The following ALDH3B1 variants were observed in gnomAD, a reference collection of about 807,000 sequenced individuals.
The protein encoded by ALDH3B1 is aldehyde dehydrogenase 3 family member B1.
A neutral mutation model predicts 46.2 loss-of-function variants in ALDH3B1; 37 were observed. The ratio of observed to expected loss-of-function variants is 0.80; its 90% CI spans 0.62 to 1.05. ALDH3B1 has a LOEUF of 1.05. Among genes scored for constraint, ALDH3B1 ranks in the 50% least tolerant of loss-of-function variants. The pLI, the probability that ALDH3B1 is intolerant of heterozygous loss-of-function variation, is 0.00. For missense variants in ALDH3B1, 603 were observed against 665.5 expected (o/e 0.91, Z 1.03); for synonymous variants, 283 against 281.0 (o/e 1.01, Z -0.07).
At chr11:68,027,322 C>T (rs1388090009) in intron 9 of ALDH3B1, among the ~76,000 whole-genome samples, 4 of 152,192 alleles carry the variant, frequency 2.6e-5, no homozygotes, top group African/African-American at 7.2e-5. Flanking sequence ...CCAACCTAGA[C>T]GCTGAGGAGA....
At chr11:68,016,540 G>C (rs1857354458) in intron 2 of ALDH3B1, 1 of 152,760 alleles carries the variant, frequency 6.5e-6, no homozygotes, top group Non-Finnish European at 1.5e-5. Context: ...AGCCAAGGCA[G>C]AACCCCAAGA....
Position 68,027,428 on chromosome 11 carries a change from A to T in ALDH3B1, c.1217-321A>T, listed in dbSNP as rs536976584. ...AGGGAGGTACCCTTGTCACCCCACG[A>T]CAGAGGAGACTGAGGCACAGTCCAA... On this transcript the variant is annotated intron_variant, in intron 9 of 9. Coordinates refer to ENST00000342456, the MANE Select transcript of ALDH3B1 (RefSeq NM_000694.4). 2.0e-5 allele frequency among the ~76,000 whole-genome samples: 3 copies of T among 152,256 alleles called. No homozygotes were observed. In the East Asian group the frequency reaches 5.8e-4, roughly 29 times the overall value.
Position 68,019,804 on chromosome 11 carries a change from C to T in ALDH3B1, c.562+8C>T, listed in dbSNP as rs554049096. On this transcript the variant is annotated splice_region_variant and intron_variant, in intron 6 of 9. Transcript: ENST00000342456. ...ACTACATCTTCTTCACAGGTGAGGC[C>T]GGGACGAGGGTCGGGACAGGCTGGG... The T allele has an allele frequency of 1.7e-3, 2,731 of 1,613,706 alleles. 67 individuals are homozygous for T. The South Asian group carries it at 0.028, about 16-fold the overall frequency.
chr11:68,019,753 G>A lies in ALDH3B1; in HGVS notation c.519G>A (p.Thr173=), dbSNP rs369340202. The part of the protein sequence containing the change: ...FAVVLGGPQE[T]GQLLEHRFDY... ...TGGTGCTGGGCGGGCCCCAGGAGAC[G>A]GGGCAGCTGCTAGAGCACAGGTTCG... The change falls in exon 6 of 10, where the codon ACG becomes ACA. Residue 173 remains threonine, a synonymous_variant. Transcript: ENST00000342456. 197 of 1,614,138 alleles carry A rather than the reference G, an allele frequency of 1.2e-4. 2 individuals carry two copies. Among genetic ancestry groups the A allele is most frequent in the South Asian group, 4.2e-4 (38 of 91,074 alleles).
chr11:68,021,520 G>A lies in ALDH3B1; in HGVS notation c.598G>A (p.Ala200Thr). The change falls in exon 7 of 10, where the codon GCC (alanine) becomes ACC (threonine). Residue 200 changes from alanine to threonine, a missense_variant. By Grantham distance (58) the Ala-to-Thr change is moderately conservative (BLOSUM62 0). Transcript: ENST00000342456. ...PRVGKIVMTA[A>T]AKHLTPVTLE... ...TGTGGGCAAGATTGTTATGACTGCT[G>A]CCGCCAAGCACCTGACACCTGTCAC... 1 of 1,613,688 alleles carries A rather than the reference G, an allele frequency of 6.2e-7. No individual in the cohort carries two copies. Among genetic ancestry groups the A allele is most frequent in the Non-Finnish European group, 8.5e-7 (1 of 1,179,818 alleles).
chr11:68,025,562 C>G (rs1857601306), intron 8 of ALDH3B1, among the ~76,000 whole-genome samples: 1 of 152,182 alleles, frequency 6.6e-6, no homozygotes, highest in Non-Finnish European at 1.5e-5. Context: ...CCACACAGCT[C>G]TTCAGCCTCC....
rs1008399119 is a variant in ALDH3B1, at chr11:68,015,210, G to A, written c.-1-87G>A. 6.5e-6 allele frequency: 9 copies of A among 1,394,280 alleles called. No homozygotes were observed. In the Admixed American group the frequency reaches 2.0e-4, roughly 31 times the overall value. 86.4% of individuals were successfully genotyped at this position (1,394,280 alleles called of 1,614,324 possible). ...AGCCCCTGTGGGTGCAGGCAGGTCA[G>A]GGGTGCCCAGACCCTGGGGCGGCTG... is the stretch of plus-strand genomic sequence containing the variant. On this transcript the variant is annotated intron_variant, in intron 1 of 9. Coordinates refer to ENST00000342456, the MANE Select transcript of ALDH3B1 (RefSeq NM_000694.4).
Position 68,028,161 on chromosome 11 carries a change from G to C in ALDH3B1, c.*222G>C, listed in dbSNP as rs766719292. On this transcript the variant is annotated 3_prime_UTR_variant, in exon 10 of 10. Coordinates refer to ENST00000342456, the MANE Select transcript of ALDH3B1 (RefSeq NM_000694.4). ...CATGAGAGCCGAGGTGGGAGGCATG[G>C]GAAACAGTGCAGTGACTCACCCCCT... 1 of 751,900 alleles carries C rather than the reference G, an allele frequency of 1.3e-6. No individual in the cohort carries two copies. The highest frequency in any genetic ancestry group is 1.8e-5 in the Admixed American group (1 of 56,034). 46.6% of individuals were successfully genotyped at this position (751,900 alleles called of 1,614,324 possible).
At chr11:68,018,311 T>C (rs955402768) in intron 2 of ALDH3B1, 12 of 571,646 alleles carry the variant, frequency 2.1e-5, no homozygotes, top group Non-Finnish European at 3.7e-5. Flanking sequence ...ATGGAACGAC[T>C]GCCCCCTGCA....
Position 68,018,896 on chromosome 11 carries a change from G to A in ALDH3B1, c.394+3G>A. ...CCTCGTGGGAGCCCTCGCTGCAGGTGAGAGCTGGGCCTGCCCCTTCCGGTC... is the reference window on the plus strand; with the variant it reads ...CCTCGTGGGAGCCCTCGCTGCAGGTAAGAGCTGGGCCTGCCCCTTCCGGTC... On this transcript the variant is annotated splice_donor_region_variant and intron_variant, in intron 4 of 9. Coordinates refer to ENST00000342456, the MANE Select transcript of ALDH3B1 (RefSeq NM_000694.4). The A allele has an allele frequency of 1.3e-6, 2 of 1,553,502 alleles. No individual in the cohort carries two copies. Among genetic ancestry groups the A allele is most frequent in the Non-Finnish European group, 1.7e-6 (2 of 1,148,630 alleles).
chr11:68,029,088 A>G lies in ALDH3B1; in HGVS notation c.*1149A>G, dbSNP rs757810223. ...TTCCTAACAAGCCGGATGCTTGAGAAACCTACATTTGGACAATGAGAGGCT... is the reference window on the plus strand; with the variant it reads ...TTCCTAACAAGCCGGATGCTTGAGAGACCTACATTTGGACAATGAGAGGCT... On this transcript the variant is annotated 3_prime_UTR_variant, in exon 10 of 10. Transcript: ENST00000342456. 1.3e-5 allele frequency: 2 copies of G among 152,164 alleles called. No homozygotes were observed. The highest frequency in any genetic ancestry group is 4.8e-5 in the African/African-American group (2 of 41,420). The allele number at this position is 152,164 out of a possible 1,614,324, so 9.4% of individuals were successfully genotyped here.
In ALDH3B1 at chr11:68,018,820, G is replaced by T; in HGVS notation, c.321G>T (p.Leu107=). The part of the protein sequence containing the change: ...SAFIRKEPFG[L]VLIIAPWNYP... ...TCATCCGGAAGGAGCCCTTTGGCCTGGTCCTCATCATTGCGCCCTGGAACT... is the reference window on the plus strand; with the variant it reads ...TCATCCGGAAGGAGCCCTTTGGCCTTGTCCTCATCATTGCGCCCTGGAACT... The change falls in exon 4 of 10, where the codon CTG becomes CTT. Residue 107 remains leucine, a synonymous_variant. Transcript: ENST00000342456. 6.4e-7 allele frequency: 1 copy of T among 1,564,676 alleles called. No individual in the cohort carries two copies. The highest frequency in any genetic ancestry group is 2.4e-5 in the East Asian group (1 of 41,690).
Position 68,028,146 on chromosome 11 carries a change from G to A in ALDH3B1, c.*207G>A, listed in dbSNP as rs3751081. 2.6e-3 allele frequency: 2,013 copies of A among 778,040 alleles called. 49 individuals are homozygous for A. The East Asian group carries it at 0.044, about 17-fold the overall frequency. 48.2% of individuals were successfully genotyped at this position (778,040 alleles called of 1,614,324 possible). ...TCAGCCGCTCCCAACCATGAGAGCC[G>A]AGGTGGGAGGCATGGGAAACAGTGC... On this transcript the variant is annotated 3_prime_UTR_variant, in exon 10 of 10. Transcript: ENST00000342456.
chr11:68,019,396 G>T, intron 5 of ALDH3B1, 141 bp downstream of exon 5: 2 of 775,260 alleles, frequency 2.6e-6, no homozygotes, highest in Admixed American at 2.3e-5. Flanking sequence ...ACTTGACCAA[G>T]TCACCGCCCC....
intron 2 of ALDH3B1, chr11:68,018,203 C>T (rs1306630475): frequency 2.7e-6 from 1 of 370,688 alleles, no homozygotes; most frequent in African/African-American, 2.1e-5. Context: ...TGTGCACGCC[C>T]ACAGCCACAC....
intron 5 of ALDH3B1, 117 bp from the exon 6 acceptor site, chr11:68,019,598 C>G (rs1340441707): frequency 8.6e-7 from 1 of 1,158,600 alleles, no homozygotes; most frequent in African/African-American, 1.5e-5. Context: ...TCCTAGAGCC[C>G]TGGCTGGGTC....
chr11:68,026,740 T>C (rs1590784236), intron 9 of ALDH3B1, among the ~76,000 whole-genome samples: 2 of 152,272 alleles, frequency 1.3e-5, no homozygotes, highest in South Asian at 2.1e-4. Context: ...CCCGAGCAGG[T>C]GACAGGCAGT....
chr11:68,010,133 G>A (rs914559928), upstream of ALDH3B1, among the ~76,000 whole-genome samples: 5 of 152,230 alleles, frequency 3.3e-5, no homozygotes, highest in South Asian at 1.0e-3. Flanking sequence ...GCCCTGCTGT[G>A]TGGCTCTAGC....
At chr11:68,018,379 A>G in intron 2 of ALDH3B1, 148 bp from the exon 3 acceptor site, 2 of 681,194 alleles carry the variant, frequency 2.9e-6, no homozygotes, top group Non-Finnish European at 5.0e-6. Flanking sequence ...TCACACAGGA[A>G]GCACGCACTG....
Sources: allele counts gnomAD v4.1 joint callset (sites outside exome capture counted in the v4.1 genomes callset), GRCh38; gene constraint gnomAD v4.1.1; transcripts MANE v1.5; gene names NCBI Gene and HGNC (gene_info 2026-07-23, HGNC 2026-07-21).